C1orf21: variants seen among roughly 807,000 people sequenced by gnomAD.
C1orf21 encodes the protein uncharacterized protein C1orf21.
In C1orf21, 3 loss-of-function variants were observed where a neutral mutation model predicts 18.7. The ratio of observed to expected loss-of-function variants is 0.16; its 90% CI spans 0.07 to 0.42. The LOEUF (loss-of-function observed/expected upper bound fraction) is 0.42. Ranked by LOEUF, C1orf21 falls within the 10% of genes least tolerant of loss-of-function variation. C1orf21 has a pLI of 0.99. For synonymous variants in C1orf21, 41 were observed against 46.4 expected (o/e 0.88, Z 0.47); for missense variants, 104 against 143.6 (o/e 0.72, Z 1.41).
intron 1 of C1orf21, among the ~76,000 whole-genome samples, chr1:184,412,725 T>C (rs951767702): frequency 6.6e-6 from 1 of 152,180 alleles, no homozygotes; most frequent in African/African-American, 2.4e-5. Context: ...AGAGGTTTGC[T>C]TGAGCCCAGG....
chr1:184,506,305 A>G (rs1347837947), intron 2 of C1orf21, among the ~76,000 whole-genome samples: 1 of 152,198 alleles, frequency 6.6e-6, no homozygotes, highest in African/African-American at 2.4e-5. Context: ...AAACATTTGA[A>G]CAGCATAATT....
chr1:184,433,042 G>A (rs149548921), intron 1 of C1orf21, among the ~76,000 whole-genome samples: 19 of 152,290 alleles, frequency 1.2e-4, no homozygotes, highest in African/African-American at 4.6e-4. Context: ...TGTAGGGTGA[G>A]GAACCACAAA....
chr1:184,447,431 A>T (rs1657051317), intron 1 of C1orf21, among the ~76,000 whole-genome samples: 1 of 152,236 alleles, frequency 6.6e-6, no homozygotes, highest in Admixed American at 6.5e-5. Context: ...TTCTCTCTGC[A>T]TGCGTGATAT....
intron 1 of C1orf21, among the ~76,000 whole-genome samples, chr1:184,428,959 C>T (rs912330342): frequency 6.6e-6 from 1 of 152,084 alleles, no homozygotes; most frequent in Admixed American, 6.5e-5. Context: ...GTCACCCTGC[C>T]CCCCAGCTTA....
At chr1:184,434,154 A>G (rs190105728) in intron 1 of C1orf21, among the ~76,000 whole-genome samples, 206 of 152,216 alleles carry the variant, frequency 1.4e-3, no homozygotes, top group Non-Finnish European at 4.4e-4. Flanking sequence ...TTTTTGTTTA[A>G]CAAGCACTTA....
chr1:184,505,775 A>G (rs1658051735), intron 2 of C1orf21, among the ~76,000 whole-genome samples: 1 of 152,040 alleles, frequency 6.6e-6, no homozygotes, highest in South Asian at 2.1e-4. Flanking sequence ...AAAACAAACA[A>G]ACAAAAAAAT....
chr1:184,435,016 T>A, intron 1 of C1orf21, among the ~76,000 whole-genome samples: 1 of 152,184 alleles, frequency 6.6e-6, no homozygotes, highest in East Asian at 1.9e-4. Context: ...CCATGAGAGA[T>A]AGATAATGGC....
chr1:184,563,085 G>A (rs1218663179), intron 3 of C1orf21, among the ~76,000 whole-genome samples: 1 of 152,216 alleles, frequency 6.6e-6, no homozygotes, highest in Non-Finnish European at 1.5e-5. Flanking sequence ...GAGCAAGAGA[G>A]TTAGAGCTAA....
chr1:184,439,026 C>T lies in C1orf21; in HGVS notation c.-124-38360C>T, dbSNP rs570325486. 3.7e-3 allele frequency among the ~76,000 whole-genome samples: 558 copies of T among 152,168 alleles called. 5 individuals carry two copies. The highest frequency in any genetic ancestry group is 0.011 in the African/African-American group (467 of 41,504). ...AGGAGTTCGAGACCAGCCTGGCCAA[C>T]GCGGTGAAAACCCATTTCTACTAAA... On this transcript the variant is annotated intron_variant, in intron 1 of 5. Coordinates refer to ENST00000235307, the MANE Select transcript of C1orf21 (RefSeq NM_030806.4).
intron 3 of C1orf21, among the ~76,000 whole-genome samples, chr1:184,590,026 G>A (rs1558009597): frequency 6.6e-6 from 1 of 152,242 alleles, no homozygotes; most frequent in East Asian, 1.9e-4. Flanking sequence ...TATGTTTTGT[G>A]AGCAAATTAT....
At chr1:184,395,382 G>A (rs138054142) in intron 1 of C1orf21, among the ~76,000 whole-genome samples, 346 of 152,160 alleles carry the variant, frequency 2.3e-3, no homozygotes, top group Middle Eastern at 0.017. Context: ...GTATAGTCTG[G>A]AATGAGAAAA....
intron 3 of C1orf21, among the ~76,000 whole-genome samples, chr1:184,560,681 A>G (rs1181003998): frequency 6.6e-6 from 1 of 151,828 alleles, no homozygotes; most frequent in Non-Finnish European, 1.5e-5. Flanking sequence ...GACCACAAAC[A>G]CTCCAGACCA....
At chr1:184,514,025 G>A (rs995005459) in intron 3 of C1orf21, among the ~76,000 whole-genome samples, 6 of 152,210 alleles carry the variant, frequency 3.9e-5, no homozygotes, top group Admixed American at 2.6e-4. Flanking sequence ...GGCTACGTGC[G>A]GTGGCTCATG....
At chr1:184,427,898 AGTAAGGGCCTTATGACTTAG>A (rs1192196017) in intron 1 of C1orf21, among the ~76,000 whole-genome samples, 5 of 152,144 alleles carry the variant, frequency 3.3e-5, no homozygotes. Flanking sequence ...ACGACTCTTA[AGTAAGGGCCTTATGACTTAG>A]GTAAGGGCCT....
At chr1:184,451,676 C>T (rs1268448269) in intron 1 of C1orf21, among the ~76,000 whole-genome samples, 2 of 152,052 alleles carry the variant, frequency 1.3e-5, no homozygotes, top group African/African-American at 4.8e-5. Context: ...AAGAATTCTA[C>T]ACACAGACAC....
chr1:184,576,764 C>T (rs115590035), intron 3 of C1orf21, among the ~76,000 whole-genome samples: 2,134 of 152,310 alleles, frequency 0.014, 48 homozygotes, highest in African/African-American at 0.049. Flanking sequence ...AGTGGTCTTT[C>T]GAGAATTCAG....
At chr1:184,584,177 C>T (rs1199866647) in intron 3 of C1orf21, among the ~76,000 whole-genome samples, 1 of 139,096 alleles carries the variant, frequency 7.2e-6, no homozygotes, top group Non-Finnish European at 1.5e-5. Flanking sequence ...TCTCTTTAAA[C>T]CTACCCTTTC....
intron 3 of C1orf21, among the ~76,000 whole-genome samples, chr1:184,569,205 G>C (rs906069298): frequency 1.3e-5 from 2 of 152,160 alleles, no homozygotes; most frequent in African/African-American, 4.8e-5. Flanking sequence ...ACCTTGACTA[G>C]CTTCTGCAGT....
chr1:184,463,474 C>T (rs1033175074), intron 1 of C1orf21, among the ~76,000 whole-genome samples: 6 of 152,120 alleles, frequency 3.9e-5, no homozygotes, highest in African/African-American at 1.4e-4. Context: ...TTCAGCTGCA[C>T]TTTTGGTTAA....
Sources: allele counts gnomAD v4.1 joint callset (sites outside exome capture counted in the v4.1 genomes callset), GRCh38; gene constraint gnomAD v4.1.1; transcripts MANE v1.5; gene names NCBI Gene and HGNC (gene_info 2026-07-23, HGNC 2026-07-21).